RIT2: variants seen among roughly 807,000 people sequenced by gnomAD.
RIT2 encodes the protein Ras like without CAAX 2.
RIT2 carries 24 observed loss-of-function variants against 23.7 expected under a neutral mutation model. The observed-to-expected ratio is 1.01, with a 90% CI of 0.73 to 1.43. The LOEUF (loss-of-function observed/expected upper bound fraction) is 1.43. Among genes scored for constraint, RIT2 ranks in the 40% most tolerant of loss-of-function variants. The probability of loss-of-function intolerance (pLI) is 0.00; values close to 1 mark genes in which losing one functional copy is unlikely to be tolerated. For synonymous variants in RIT2, 107 were observed against 91.1 expected (o/e 1.17, Z -0.99); for missense variants, 236 against 266.9 (o/e 0.88, Z 0.81).
chr18:43,005,761 C>T (rs1319916912), intron 2 of RIT2, among the ~76,000 whole-genome samples: 1 of 151,762 alleles, frequency 6.6e-6, no homozygotes, highest in Non-Finnish European at 1.5e-5. Context: ...TTACTGAATG[C>T]TCCACATTGC....
At chr18:42,963,533 G>A (rs1334523589) in intron 3 of RIT2, among the ~76,000 whole-genome samples, 2 of 151,994 alleles carry the variant, frequency 1.3e-5, no homozygotes, top group African/African-American at 4.8e-5. Context: ...ATATTCATGG[G>A]AAAAAAAGAA....
chr18:42,884,769 G>T (rs761036367), intron 4 of RIT2, among the ~76,000 whole-genome samples: 1 of 152,202 alleles, frequency 6.6e-6, no homozygotes, highest in Non-Finnish European at 1.5e-5. Flanking sequence ...TGAAGTGAGA[G>T]AATTTTAAAA....
At chr18:43,036,964 T>TC (rs1911995457) in intron 1 of RIT2, among the ~76,000 whole-genome samples, 2 of 152,244 alleles carry the variant, frequency 1.3e-5, no homozygotes, top group African/African-American at 4.8e-5. Flanking sequence ...TTATTTCATT[T>TC]TATGTTACAC....
At chr18:42,845,887 T>C (rs959519509) in intron 4 of RIT2, among the ~76,000 whole-genome samples, 6 of 151,858 alleles carry the variant, frequency 4.0e-5, no homozygotes, top group Non-Finnish European at 7.4e-5. Flanking sequence ...TCTTCAAACA[T>C]GTGGGTTGCA....
chr18:42,830,418 A>T (rs2144007343), intron 4 of RIT2, among the ~76,000 whole-genome samples: 1 of 152,320 alleles, frequency 6.6e-6, no homozygotes, highest in Middle Eastern at 3.4e-3. Context: ...CACATGACTC[A>T]CAAATACAGA....
At chr18:43,031,233 T>C (rs1911847257) in intron 2 of RIT2, among the ~76,000 whole-genome samples, 1 of 151,758 alleles carries the variant, frequency 6.6e-6, no homozygotes, top group South Asian at 2.1e-4. Context: ...GATTATCTGC[T>C]CTAAACTATG....
chr18:42,744,389 C>T (rs1457311496), intron 4 of RIT2, among the ~76,000 whole-genome samples: 1 of 152,002 alleles, frequency 6.6e-6, no homozygotes, highest in African/African-American at 2.4e-5. Context: ...ATTTGAAGGA[C>T]AAATGAGAAA....
At chr18:42,978,631 T>C (rs1449297238) in intron 2 of RIT2, among the ~76,000 whole-genome samples, 1 of 152,114 alleles carries the variant, frequency 6.6e-6, no homozygotes, top group Admixed American at 6.6e-5. Flanking sequence ...AGCAGCTGCC[T>C]GCTGTATCAT....
chr18:43,063,373 C>A (rs1323705380), intron 1 of RIT2, among the ~76,000 whole-genome samples: 1 of 152,084 alleles, frequency 6.6e-6, no homozygotes, highest in East Asian at 1.9e-4. Flanking sequence ...CATTGGTGAC[C>A]TTTGGGGCTA....
At chr18:43,004,062 G>A (rs773978154) in intron 2 of RIT2, among the ~76,000 whole-genome samples, 21 of 151,774 alleles carry the variant, frequency 1.4e-4, no homozygotes, top group Non-Finnish European at 2.5e-4. Context: ...TTCACCTGCC[G>A]AAAACAGTAC....
chr18:43,031,129 G>C (rs1300656940), intron 2 of RIT2, among the ~76,000 whole-genome samples: 2 of 151,392 alleles, frequency 1.3e-5, no homozygotes, highest in African/African-American at 4.9e-5. Flanking sequence ...GTCACTTGTT[G>C]TGCTGTCTTG....
chr18:42,830,321 C>T (rs1369003377), intron 4 of RIT2, among the ~76,000 whole-genome samples: 6 of 152,190 alleles, frequency 3.9e-5, no homozygotes, highest in Admixed American at 2.6e-4. Context: ...GTTGCCTGGT[C>T]TTCTGTTTTC....
At chr18:42,921,907 C>G (rs1277357400) in intron 4 of RIT2, among the ~76,000 whole-genome samples, 2 of 152,128 alleles carry the variant, frequency 1.3e-5, no homozygotes, top group African/African-American at 4.8e-5. Context: ...AAGCCTCCAA[C>G]TTTCTTCCTT....
At chr18:42,990,423 A>G (rs1273706547) in intron 2 of RIT2, among the ~76,000 whole-genome samples, 1 of 152,182 alleles carries the variant, frequency 6.6e-6, no homozygotes, top group Non-Finnish European at 1.5e-5. Context: ...TAGGCACCCC[A>G]TGGCCCAGTT....
intron 4 of RIT2, among the ~76,000 whole-genome samples, chr18:42,889,427 T>C (rs2144091285): frequency 6.6e-6 from 1 of 152,134 alleles, no homozygotes; most frequent in African/African-American, 2.4e-5. Flanking sequence ...TATAGGAAAA[T>C]TGGGTTATTT....
At chr18:42,924,046 TTGAACC>T (rs1476047079) in intron 3 of RIT2, among the ~76,000 whole-genome samples, 1 of 152,086 alleles carries the variant, frequency 6.6e-6, no homozygotes, top group Non-Finnish European at 1.5e-5. Flanking sequence ...TTAAATTTAT[TTGAACC>T]CAGGCTAGAT....
intron 4 of RIT2, among the ~76,000 whole-genome samples, chr18:42,842,433 T>A (rs1487744726): frequency 6.6e-6 from 1 of 152,164 alleles, no homozygotes; most frequent in Admixed American, 6.5e-5. Context: ...AAACTATCAT[T>A]TTATTGAATA....
intron 4 of RIT2, among the ~76,000 whole-genome samples, chr18:42,797,082 T>C (rs983120287): frequency 6.6e-6 from 1 of 152,158 alleles, no homozygotes; most frequent in African/African-American, 2.4e-5. Flanking sequence ...AAATAAACAG[T>C]ATCTACAGAG....
At chr18:42,989,243 C>G (rs2144225008) in intron 2 of RIT2, among the ~76,000 whole-genome samples, 1 of 152,234 alleles carries the variant, frequency 6.6e-6, no homozygotes, top group Middle Eastern at 3.4e-3. Context: ...GCTTAAAGAA[C>G]TTTTCTGTAC....
Sources: gnomAD v4.1 joint callset for allele counts (sites outside exome capture counted in the v4.1 genomes callset) on GRCh38, gnomAD v4.1.1 for gene constraint, MANE v1.5 for transcripts, NCBI Gene and HGNC (gene_info 2026-07-23, HGNC 2026-07-21) for gene names.